Variants in KAZN observed in about 807,000 individuals in gnomAD.
KAZN encodes kazrin, periplakin interacting protein.
Under a neutral mutation model 87.4 loss-of-function variants are expected in KAZN, and 40 were observed. That is an observed-to-expected ratio of 0.46 (90% confidence interval 0.36 to 0.60). The LOEUF (loss-of-function observed/expected upper bound fraction) is 0.60, where lower values mean the gene tolerates loss of function less well. KAZN is among the 20% of genes least tolerant of loss of function. The pLI is 0.00. For missense variants in KAZN, 898 were observed against 1,073.9 expected (o/e 0.84, Z 2.29); for synonymous variants, 466 against 458.3 (o/e 1.02, Z -0.22).
At chr1:14,548,870 G>A (rs569076909) in intron 2 of KAZN, among the ~76,000 whole-genome samples, 1 of 152,346 alleles carries the variant, frequency 6.6e-6, no homozygotes, top group African/African-American at 2.4e-5. Flanking sequence ...TAAGATATTA[G>A]CTCCTTTTAT....
intron 2 of KAZN, among the ~76,000 whole-genome samples, chr1:14,226,473 C>CA (rs1647301133): frequency 6.6e-6 from 1 of 152,100 alleles, no homozygotes; most frequent in African/African-American, 2.4e-5. Flanking sequence ...ATAGTTCAGC[C>CA]ACTGTGGAAA....
intron 2 of KAZN, among the ~76,000 whole-genome samples, chr1:14,978,336 G>A (rs763475736): frequency 9.9e-5 from 15 of 152,206 alleles, no homozygotes; most frequent in Admixed American, 2.0e-4. Flanking sequence ...ACCAGATGAA[G>A]AGCAGAGTCT....
intron 1 of KAZN, among the ~76,000 whole-genome samples, chr1:14,660,259 G>T (rs150715320): frequency 6.6e-6 from 1 of 152,162 alleles, no homozygotes; most frequent in Non-Finnish European, 1.5e-5. Context: ...GCTACTAGGG[G>T]CCTGAAACAA....
chr1:14,682,900 C>A (rs1640756953), intron 1 of KAZN, among the ~76,000 whole-genome samples: 1 of 152,164 alleles, frequency 6.6e-6, no homozygotes, highest in African/African-American at 2.4e-5. Flanking sequence ...CTCTTCTCTC[C>A]CATTTGAACT....
intron 1 of KAZN, among the ~76,000 whole-genome samples, chr1:14,006,758 G>T (rs1218618910): frequency 1.3e-5 from 2 of 152,140 alleles, no homozygotes; most frequent in African/African-American, 2.4e-5. Context: ...ATCAGGAAGT[G>T]TGATGCCTCT....
At chr1:14,975,950 C>T (rs900598923) in intron 2 of KAZN, among the ~76,000 whole-genome samples, 142 of 148,892 alleles carry the variant, frequency 9.5e-4, no homozygotes, top group African/African-American at 3.1e-3. Context: ...GAGAAAGGCG[C>T]GAACCCGGGA....
At chr1:14,253,286 A>G (rs1045621947) in intron 2 of KAZN, among the ~76,000 whole-genome samples, 4 of 152,186 alleles carry the variant, frequency 2.6e-5, no homozygotes, top group Non-Finnish European at 4.4e-5. Flanking sequence ...ACAGCATTTT[A>G]ACAACCCACC....
intron 2 of KAZN, among the ~76,000 whole-genome samples, chr1:14,543,830 A>G (rs1278376989): frequency 1.3e-5 from 2 of 152,204 alleles, no homozygotes; most frequent in Non-Finnish European, 2.9e-5. Context: ...AAGCAAATAA[A>G]TCAAATAAGG....
At chr1:14,413,610 A>C (rs1034333829) in intron 2 of KAZN, among the ~76,000 whole-genome samples, 2 of 150,622 alleles carry the variant, frequency 1.3e-5, no homozygotes, top group Admixed American at 6.6e-5. Context: ...AAAAAAAAAA[A>C]AAAAAAAAAC....
At chr1:14,020,109 A>G (rs1312387760) in intron 1 of KAZN, among the ~76,000 whole-genome samples, 1 of 151,954 alleles carries the variant, frequency 6.6e-6, no homozygotes, top group Non-Finnish European at 1.5e-5. Context: ...GATTTCTTGC[A>G]TGCACAATTC....
intron 1 of KAZN, among the ~76,000 whole-genome samples, chr1:14,750,043 A>G (rs1054098846): frequency 1.1e-4 from 16 of 152,284 alleles, no homozygotes; most frequent in Middle Eastern, 3.4e-3. Context: ...TGCAAAAACC[A>G]GTGACATCTG....
At chr1:14,110,753 A>G (rs1644485392) in intron 1 of KAZN, among the ~76,000 whole-genome samples, 1 of 134,014 alleles carries the variant, frequency 7.5e-6, no homozygotes, top group Non-Finnish European at 1.6e-5. Context: ...AGTGTAAAAT[A>G]CACCCTAGGT....
intron 2 of KAZN, among the ~76,000 whole-genome samples, chr1:14,314,451 C>T (rs1281054014): frequency 6.6e-6 from 1 of 152,132 alleles, no homozygotes; most frequent in African/African-American, 2.4e-5. Flanking sequence ...CCTCCATTCC[C>T]TATGTCCTGG....
At chr1:14,106,938 C>CTCCCTCCTTCCCCT (rs1644386529) in intron 1 of KAZN, among the ~76,000 whole-genome samples, 1 of 144,200 alleles carries the variant, frequency 6.9e-6, no homozygotes, top group Admixed American at 6.9e-5. Context: ...CTTTCCCTCC[C>CTCCCTCCTTCCCCT]TCCCTCCTTC....
At chr1:13,939,844 C>T (rs1237366891) in intron 1 of KAZN, among the ~76,000 whole-genome samples, 1 of 152,076 alleles carries the variant, frequency 6.6e-6, no homozygotes, top group Non-Finnish European at 1.5e-5. Context: ...TGGCACAAAA[C>T]ATGATGAGAG....
At chr1:14,765,962 C>T (rs576573882) in intron 1 of KAZN, among the ~76,000 whole-genome samples, 7 of 152,252 alleles carry the variant, frequency 4.6e-5, no homozygotes, top group Admixed American at 1.3e-4. Context: ...TGGCATCTGT[C>T]GAAGGGTGTG....
intron 2 of KAZN, among the ~76,000 whole-genome samples, chr1:14,588,925 T>C (rs1022444733): frequency 3.9e-5 from 6 of 152,172 alleles, no homozygotes; most frequent in Non-Finnish European, 5.9e-5. Context: ...GCACTTGCGG[T>C]CCCAGTGTTT....
At chr1:14,999,507 C>T (rs373631365) in intron 2 of KAZN, among the ~76,000 whole-genome samples, 2 of 139,298 alleles carry the variant, frequency 1.4e-5, no homozygotes, top group East Asian at 1.9e-4. Context: ...CCCCTCCCCC[C>T]GCCCCGCCAT....
At chr1:13,907,456 C>T (rs1400299452) in intron 1 of KAZN, among the ~76,000 whole-genome samples, 1 of 149,878 alleles carries the variant, frequency 6.7e-6, no homozygotes, top group Non-Finnish European at 1.5e-5. Context: ...GAATGAGTGA[C>T]AGGATTTAAG....
Sources: allele counts gnomAD v4.1 joint callset (sites outside exome capture counted in the v4.1 genomes callset), GRCh38; gene constraint gnomAD v4.1.1; transcripts MANE v1.5; gene names NCBI Gene and HGNC (gene_info 2026-07-23, HGNC 2026-07-21).